SMARCAD1: variants seen among roughly 807,000 people sequenced by gnomAD.
SMARCAD1 encodes SWI/SNF-related matrix-associated actin-dependent regulator of chromatin subfamily A containing DEAD/H box 1.
A neutral mutation model predicts 127.1 loss-of-function variants in SMARCAD1; 25 were observed. That is an observed-to-expected ratio of 0.20 (90% CI 0.14 to 0.27). The LOEUF (loss-of-function observed/expected upper bound fraction) is 0.27. SMARCAD1 is among the 10% of genes least tolerant of loss of function. The pLI is 1.00. For missense variants in SMARCAD1, 807 were observed against 1,206.0 expected (o/e 0.67, Z 4.90); for synonymous variants, 400 against 396.9 (o/e 1.01, Z -0.09).
chr4:94,214,072 A>G (rs1742739223), intron 2 of SMARCAD1, among the ~76,000 whole-genome samples: 1 of 152,102 alleles, frequency 6.6e-6, no homozygotes. Context: ...AGAGAAGTCA[A>G]GTTGAGTGGG....
At chr4:94,214,722 TGAAG>T (rs1269227483) in intron 2 of SMARCAD1, among the ~76,000 whole-genome samples, 1 of 152,106 alleles carries the variant, frequency 6.6e-6, no homozygotes, top group Non-Finnish European at 1.5e-5. Flanking sequence ...GGGGGATAAT[TGAAG>T]GAGATAAAAA....
intron 3 of SMARCAD1, among the ~76,000 whole-genome samples, chr4:94,227,049 CAATTGAGAAGACAGTGCTT>C (rs1323662639): frequency 9.2e-5 from 14 of 151,908 alleles, no homozygotes; most frequent in Admixed American, 3.9e-4. Flanking sequence ...AGAAAAGCCT[CAATTGAGAAGACAGTGCTT>C]AATTGAGAAG....
chr4:94,252,623 A>G lies in SMARCAD1; in HGVS notation c.897A>G (p.Gln299=), dbSNP rs1749452846. Residue 299 remains glutamine (Q), a synonymous_variant, in exon 9 of 24, where the codon CAA becomes CAG. Transcript: ENST00000354268. Reference sequence around the variant, plus strand: ...TTTGTCTTTTATATACAGATATGCAATATGTATCACAAAGTGAGGTTCCAA... The same window carrying G: ...TTTGTCTTTTATATACAGATATGCAGTATGTATCACAAAGTGAGGTTCCAA... The part of the protein sequence containing the change: ...LKVFAEDQDM[Q]YVSQSEVPNG... 3.2e-6 allele frequency: 5 copies of G among 1,556,072 alleles called. 1 individual carries two copies. The highest frequency in any genetic ancestry group is 3.4e-4 in the Middle Eastern group (2 of 5,836).
At chr4:94,275,440 T>C (rs75419573) in intron 14 of SMARCAD1, among the ~76,000 whole-genome samples, 20,492 of 152,182 alleles carry the variant, frequency 0.13, 1,686 homozygotes, top group Non-Finnish European at 0.19. Context: ...TTAATGCTCT[T>C]GTGTTACATT....
chr4:94,228,687 C>T (rs1449627815), intron 3 of SMARCAD1, among the ~76,000 whole-genome samples: 2 of 150,612 alleles, frequency 1.3e-5, no homozygotes, highest in African/African-American at 2.4e-5. Flanking sequence ...TAGTTGTTTA[C>T]GTTCTGTTGC....
At chr4:94,256,011 T>C (rs1175511993) in intron 9 of SMARCAD1, among the ~76,000 whole-genome samples, 1 of 152,154 alleles carries the variant, frequency 6.6e-6, no homozygotes, top group Non-Finnish European at 1.5e-5. Context: ...GAATTTTTAT[T>C]GCCAAATTTC....
chr4:94,279,196 T>C (rs1288114313), intron 19 of SMARCAD1, 146 bp downstream of exon 19: 8 of 1,043,186 alleles, frequency 7.7e-6, no homozygotes, highest in Non-Finnish European at 1.1e-5. Context: ...TCTGGTTCTG[T>C]TGCCAAGGCA....
intron 2 of SMARCAD1, among the ~76,000 whole-genome samples, chr4:94,208,953 A>G (rs1741722573): frequency 6.6e-6 from 1 of 152,192 alleles, no homozygotes; most frequent in Non-Finnish European, 1.5e-5. Context: ...TTCCCTCAAA[A>G]TATTGATCAT....
chr4:94,213,197 A>ACTATT, intron 2 of SMARCAD1: 1 of 883,760 alleles, frequency 1.1e-6, no homozygotes, highest in Non-Finnish European at 1.5e-6. Context: ...ATAAAACCAT[A>ACTATT]TAATAGGGCA....
At chr4:94,240,714 C>T (rs1213065164) in intron 5 of SMARCAD1, among the ~76,000 whole-genome samples, 192 bp from the exon 6 acceptor site, 1 of 152,072 alleles carries the variant, frequency 6.6e-6, no homozygotes, top group Admixed American at 6.5e-5. Context: ...ACAGTGATTT[C>T]TACTTCTGAA....
chr4:94,284,921 A>G (rs1432318988), intron 22 of SMARCAD1, 39 bp from the exon 23 acceptor site: 1 of 1,206,074 alleles, frequency 8.3e-7, no homozygotes, highest in Middle Eastern at 2.1e-4. Flanking sequence ...AAATAACTAT[A>G]TTTAGTAACC....
chr4:94,257,685 A>G (rs969153602), intron 9 of SMARCAD1, among the ~76,000 whole-genome samples: 22 of 152,084 alleles, frequency 1.4e-4, no homozygotes, highest in Non-Finnish European at 2.9e-4. Flanking sequence ...CTCCGCCCCC[A>G]CAAAAAAAAA....
rs572797291 is a variant in SMARCAD1, at chr4:94,224,909, C to T, written c.191-1210C>T. ...TGACCTACGAGAGAATTAATGACAG[C>T]TATCATTTTTAACCTTTGAACTAAA... On this transcript the variant is annotated intron_variant, in intron 2 of 23. Transcript: ENST00000354268. Among the ~76,000 whole-genome samples, 15 of 152,236 alleles carry T rather than the reference C, an allele frequency of 9.9e-5. No individual in the cohort carries two copies. The East Asian group carries it at 2.1e-3, about 22-fold the overall frequency.
intron 3 of SMARCAD1, among the ~76,000 whole-genome samples, chr4:94,230,349 ATTTAC>A (rs1745650765): frequency 6.6e-6 from 1 of 150,568 alleles, no homozygotes; most frequent in Non-Finnish European, 1.5e-5. Flanking sequence ...TTGTTCTTTT[ATTTAC>A]TTAGCATATA....
chr4:94,213,381 C>T (rs1742600853), intron 2 of SMARCAD1, among the ~76,000 whole-genome samples: 1 of 151,910 alleles, frequency 6.6e-6, no homozygotes, highest in Non-Finnish European at 1.5e-5. Flanking sequence ...ATATATGTTG[C>T]CTCCAAGAGT....
intron 10 of SMARCAD1, among the ~76,000 whole-genome samples, chr4:94,268,481 G>A (rs892941015): frequency 5.9e-5 from 9 of 152,280 alleles, no homozygotes; most frequent in Admixed American, 2.6e-4. Flanking sequence ...TTCATTAGTC[G>A]TAAATTGTGA....
chr4:94,284,299 C>T (rs1285665344), intron 22 of SMARCAD1, among the ~76,000 whole-genome samples: 2 of 127,154 alleles, frequency 1.6e-5, no homozygotes, highest in Non-Finnish European at 3.1e-5. Flanking sequence ...TGCACTCCAG[C>T]CTGGGTGACG....
At chr4:94,218,361 C>T (rs1266342123) in intron 2 of SMARCAD1, among the ~76,000 whole-genome samples, 1 of 151,948 alleles carries the variant, frequency 6.6e-6, no homozygotes, top group Non-Finnish European at 1.5e-5. Context: ...TCTCTCACTG[C>T]AACCCCCACC....
At chr4:94,242,417 T>A (rs1410504835) in intron 6 of SMARCAD1, among the ~76,000 whole-genome samples, 1 of 152,078 alleles carries the variant, frequency 6.6e-6, no homozygotes, top group African/African-American at 2.4e-5. Context: ...GGTCACCAGT[T>A]TTTTAAGTCT....
Sources: gnomAD v4.1 joint callset for allele counts (sites outside exome capture counted in the v4.1 genomes callset) on GRCh38, gnomAD v4.1.1 for gene constraint, MANE v1.5 for transcripts, NCBI Gene and HGNC (gene_info 2026-07-23, HGNC 2026-07-21) for gene names.